LSAMP: variants seen among roughly 807,000 people sequenced by gnomAD.
The protein encoded by LSAMP is limbic system associated membrane protein, also known as limbic system-associated membrane protein.
Under a neutral mutation model 38.6 loss-of-function variants are expected in LSAMP, and 7 were observed. That is an observed-to-expected ratio of 0.18 (90% confidence interval 0.10 to 0.34). LSAMP has a LOEUF of 0.34. Among genes scored for constraint, LSAMP ranks in the 10% least tolerant of loss-of-function variants. The probability of loss-of-function intolerance (pLI) is 1.00; values close to 1 mark genes in which losing one functional copy is unlikely to be tolerated. For missense variants in LSAMP, 313 were observed against 420.0 expected, an observed-to-expected ratio of 0.75 and a Z score of 2.23; for synonymous variants, 154 against 166.8, an observed-to-expected ratio of 0.92 and a Z score of 0.59.
At chr3:116,260,374 T>C (rs545668091) in intron 1 of LSAMP, among the ~76,000 whole-genome samples, 1 of 152,166 alleles carries the variant, frequency 6.6e-6, no homozygotes, top group African/African-American at 2.4e-5. Flanking sequence ...GGACCTCACA[T>C]ACACATTTTT....
intron 2 of LSAMP, among the ~76,000 whole-genome samples, chr3:116,066,367 T>C (rs1437450471): frequency 6.6e-6 from 1 of 152,224 alleles, no homozygotes. Context: ...TTCTTCAGGA[T>C]AGGAGCTGCT....
chr3:116,315,538 A>G (rs1461333395), intron 1 of LSAMP, among the ~76,000 whole-genome samples: 1 of 152,232 alleles, frequency 6.6e-6, no homozygotes, highest in East Asian at 1.9e-4. Flanking sequence ...TCCATTGATT[A>G]CAGAAAGACA....
intron 1 of LSAMP, among the ~76,000 whole-genome samples, chr3:116,384,149 G>A (rs1396566942): frequency 6.6e-6 from 1 of 151,932 alleles, no homozygotes; most frequent in African/African-American, 2.4e-5. Flanking sequence ...ATCTTTCTCT[G>A]ATTAAAATGA....
rs1293454321 is a variant in LSAMP, at chr3:116,317,577, G to C, written c.155+127300C>G. ...TCACCGTGTTAGCTAGGATAGTCTT[G>C]ATCTCCTGACCTTGTGATCCACCCT... On this transcript the variant is annotated intron_variant, in intron 1 of 6. Coordinates refer to ENST00000490035, the MANE Select transcript of LSAMP (RefSeq NM_002338.5). Among the ~76,000 whole-genome samples the C allele has an allele frequency of 4.0e-5, 6 of 151,698 alleles. No individual in the cohort carries two copies. The East Asian group carries it at 1.2e-3, about 31-fold the overall frequency.
intron 2 of LSAMP, among the ~76,000 whole-genome samples, chr3:116,039,942 A>T (rs1301276522): frequency 1.3e-5 from 2 of 152,182 alleles, no homozygotes; most frequent in African/African-American, 4.8e-5. Context: ...GCCCTGTCTC[A>T]TCTTGAGTCC....
At position 116,084,997 on chromosome 3, in the gene LSAMP, A is replaced by G. The variant is rs567617746; in HGVS notation, c.388+1327T>C. Among the ~76,000 whole-genome samples the G allele has an allele frequency of 2.0e-5, 3 of 151,948 alleles. No individual in the cohort carries two copies. In the South Asian group the frequency reaches 6.2e-4, roughly 32 times the overall value. ...TGTTTGTGAATAAATGTGTGCTTGTATTTGTTTTGAGGGAGTTGGTAAATT... is the reference window on the plus strand; with the variant it reads ...TGTTTGTGAATAAATGTGTGCTTGTGTTTGTTTTGAGGGAGTTGGTAAATT... On this transcript the variant is annotated intron_variant, in intron 2 of 6. Coordinates refer to ENST00000490035, the MANE Select transcript of LSAMP (RefSeq NM_002338.5).
At chr3:116,116,436 C>T (rs751398188) in intron 1 of LSAMP, among the ~76,000 whole-genome samples, 5 of 151,162 alleles carry the variant, frequency 3.3e-5, no homozygotes, top group Admixed American at 6.6e-5. Context: ...GTGGCTCACA[C>T]CTGTAATCCC....
At chr3:116,273,872 A>T (rs12492142) in intron 1 of LSAMP, among the ~76,000 whole-genome samples, 11 of 146,400 alleles carry the variant, frequency 7.5e-5, no homozygotes, top group Admixed American at 6.8e-4. Flanking sequence ...TATTCTTCTA[A>T]TCCACGGTCA....
chr3:116,162,279 TG>T (rs1220713830), intron 1 of LSAMP, among the ~76,000 whole-genome samples: 1 of 152,196 alleles, frequency 6.6e-6, no homozygotes, highest in Non-Finnish European at 1.5e-5. Flanking sequence ...GTGCATGGTT[TG>T]GTGTTGGTGA....
chr3:116,108,161 A>G (rs1272898568), intron 1 of LSAMP, among the ~76,000 whole-genome samples: 5 of 152,056 alleles, frequency 3.3e-5, no homozygotes, highest in Admixed American at 1.3e-4. Context: ...ATACTTATGG[A>G]TTAAGGTGGG....
At position 116,402,505 on chromosome 3, in the gene LSAMP, T is replaced by TCAGA. The variant is rs199732851; in HGVS notation, c.155+42371_155+42372insTCTG. Among the ~76,000 whole-genome samples, 1,352 of 152,240 alleles carry TCAGA rather than the reference T, an allele frequency of 8.9e-3. 20 individuals carry two copies. The highest frequency in any genetic ancestry group is 0.031 in the African/African-American group (1,283 of 41,530). ...AAACAAAAACTGCCAAGATCTTCAT[T>TCAGA]CAAAGTCATTTTAATTGCTTATATA... is the stretch of plus-strand genomic sequence containing the variant. On this transcript the variant is annotated intron_variant, in intron 1 of 6. Coordinates refer to ENST00000490035, the MANE Select transcript of LSAMP (RefSeq NM_002338.5).
Position 115,960,551 on chromosome 3 carries a change from G to T in LSAMP, c.514+58964C>A, listed in dbSNP as rs887845288. Among the ~76,000 whole-genome samples the T allele has an allele frequency of 2.6e-5, 4 of 151,960 alleles. No individual in the cohort carries two copies. In the East Asian group the frequency reaches 7.8e-4, roughly 29 times the overall value. On this transcript the variant is annotated intron_variant, in intron 3 of 6. Transcript: ENST00000490035. ...ACTGATGCATGTTGTCATCTTTTAG[G>T]CATCCCCCAAGTCAGCATGTTAATT...
At chr3:116,410,397 G>A (rs973568565) in intron 1 of LSAMP, among the ~76,000 whole-genome samples, 1 of 152,010 alleles carries the variant, frequency 6.6e-6, no homozygotes, top group African/African-American at 2.4e-5. Flanking sequence ...ACAGCAGAAG[G>A]ATTAACATTA....
chr3:116,062,447 C>T (rs570395863), intron 2 of LSAMP, among the ~76,000 whole-genome samples: 130 of 152,130 alleles, frequency 8.5e-4, no homozygotes, highest in African/African-American at 2.9e-3. Context: ...ACTCAGGAGG[C>T]GGAGGTTGCG....
At chr3:116,074,844 C>CTTTTTTTTTCTTTTTTTTTTT (rs1707698651) in intron 2 of LSAMP, among the ~76,000 whole-genome samples, 1 of 128,410 alleles carries the variant, frequency 7.8e-6, no homozygotes, top group African/African-American at 3.1e-5. Context: ...TTTCTTTATT[C>CTTTTTTTTTCTTTTTTTTTTT]TTTTTTTTTT....
At chr3:115,826,933 T>C (rs1019756101) in intron 6 of LSAMP, among the ~76,000 whole-genome samples, 1 of 148,042 alleles carries the variant, frequency 6.8e-6, no homozygotes, top group Non-Finnish European at 1.5e-5. Flanking sequence ...AAGACCAGCC[T>C]CCAATTAATG....
chr3:115,810,227 CT>C lies in LSAMP; in HGVS notation c.*89del. 4.6e-6 allele frequency: 4 copies of C among 865,050 alleles called. No homozygotes were observed. Among genetic ancestry groups the C allele is most frequent in the Admixed American group, 5.4e-5 (2 of 36,970 alleles). 53.6% of individuals were successfully genotyped at this position (865,050 alleles called of 1,614,324 possible). On this transcript the variant is annotated 3_prime_UTR_variant, in exon 7 of 7. Coordinates refer to ENST00000490035, the MANE Select transcript of LSAMP (RefSeq NM_002338.5). ...GAAATAAACGGTCTCCCCCATCTCT[CT>C]CTCTCTCTCTCTCTCTGTCTCTCTC...
At chr3:116,255,613 A>C (rs1167833714) in intron 1 of LSAMP, among the ~76,000 whole-genome samples, 3 of 152,192 alleles carry the variant, frequency 2.0e-5, no homozygotes, top group Non-Finnish European at 4.4e-5. Context: ...TCTTATTTTT[A>C]ATACTTTGGT....
intron 2 of LSAMP, among the ~76,000 whole-genome samples, chr3:116,029,557 A>T (rs1940872034): frequency 1.3e-5 from 2 of 152,180 alleles, no homozygotes; most frequent in South Asian, 4.1e-4. Context: ...TTAGAAGAAA[A>T]GATAAAATGT....
Sources: gnomAD v4.1 joint callset for allele counts (sites outside exome capture counted in the v4.1 genomes callset) on GRCh38, gnomAD v4.1.1 for gene constraint, MANE v1.5 for transcripts, NCBI Gene and HGNC (gene_info 2026-07-23, HGNC 2026-07-21) for gene names.